The following HEMK1 variants were observed in gnomAD, a reference collection of about 807,000 sequenced individuals.
HEMK1 encodes MTRF1L release factor glutamine methyltransferase.
Under a neutral mutation model 47.9 loss-of-function variants are expected in HEMK1, and 36 were observed. The observed-to-expected ratio is 0.75, with a 90% CI of 0.58 to 0.99. The LOEUF is 0.99. HEMK1 is among the 50% of genes least tolerant of loss of function. The pLI is 0.00. For missense variants in HEMK1, 383 were observed against 434.5 expected (o/e 0.88, Z 1.05); for synonymous variants, 153 against 165.4 (o/e 0.93, Z 0.57).
At position 50,587,472 on chromosome 3, in the gene HEMK1, A is replaced by G. The variant is rs926658074; in HGVS notation, c.*7055A>G. The G allele has an allele frequency of 1.3e-5, 2 of 152,274 alleles. No individual in the cohort carries two copies. The highest frequency in any genetic ancestry group is 2.9e-5 in the Non-Finnish European group (2 of 68,070). The allele number at this position is 152,274 out of a possible 1,614,324, so 9.4% of individuals were successfully genotyped here. On this transcript the variant is annotated 3_prime_UTR_variant, in exon 11 of 11. Coordinates refer to ENST00000232854, the MANE Select transcript of HEMK1 (RefSeq NM_016173.5). This position sits in a 1 kb window ranked among gnomAD's most constrained non-coding sequence, Gnocchi z 4.2. ...GATGGAGGCTGTGAACCCTCTCGTT[A>G]TACTGACGAAGAAACAAACTGGGGC...
In HEMK1 at chr3:50,580,246, C is replaced by A; in HGVS notation, c.980+17C>A. 6.2e-7 allele frequency: 1 copy of A among 1,610,978 alleles called. No individual in the cohort carries two copies. The highest frequency in any genetic ancestry group is 8.5e-7 in the Non-Finnish European group (1 of 1,177,146). ...CTGTGGGAGGTAAGATCCTAGCCCC[C>A]TTTAGCCCTGTAGCATGCTGGTCTT... On this transcript the variant is annotated intron_variant, in intron 10 of 10. Coordinates refer to ENST00000232854, the MANE Select transcript of HEMK1 (RefSeq NM_016173.5).
At chr3:50,577,319 T>C in intron 5 of HEMK1, 133 bp downstream of exon 5, 1 of 1,196,562 alleles carries the variant, frequency 8.4e-7, no homozygotes, top group South Asian at 1.3e-5. Flanking sequence ...GGGCTGCCCC[T>C]AGCCCACTGT....
chr3:50,575,305 C>T (rs1701455549), intron 4 of HEMK1, among the ~76,000 whole-genome samples: 1 of 152,092 alleles, frequency 6.6e-6, no homozygotes, highest in African/African-American at 2.4e-5. Flanking sequence ...GCCTGTAATC[C>T]CAGCTACTTG....
chr3:50,577,545 ATC>A lies in HEMK1; in HGVS notation c.592_593del (p.Leu198AspfsTer3). 1.2e-6 allele frequency: 2 copies of A among 1,614,136 alleles called. No individual in the cohort carries two copies. The highest frequency in any genetic ancestry group is 2.2e-5 in the South Asian group (2 of 91,082). Reference protein sequence around the residue: ...VIAVDKREAAISLTHENAQRL... With the variant: ...VIAVDKREAAXSLTHENAQRL... Reference sequence around the variant, plus strand: ...TGCTGTGGATAAGCGGGAAGCTGCTATCTCTCTGACCCATGAGAATGCTCAGA... The same window carrying A: ...TGCTGTGGATAAGCGGGAAGCTGCTATCTCTGACCCATGAGAATGCTCAGA... On this transcript the variant is annotated frameshift_variant, in exon 6 of 11. Transcript: ENST00000232854. LOFTEE classifies it high-confidence loss of function.
At position 50,580,386 on chromosome 3, in the gene HEMK1, G is replaced by T. The variant is rs192523417; in HGVS notation, c.986G>T (p.Arg329Leu). Residue 329 changes from arginine (R) to leucine (L), a missense_variant, in exon 11 of 11, where the codon CGG becomes CTG. Coordinates refer to ENST00000232854, the MANE Select transcript of HEMK1 (RefSeq NM_016173.5). ...AVRRDFCGRP[R>L]FLHIRRSGP The stretch of plus-strand genomic sequence containing the variant: ...CCCTGTCCCTGTCTCCTCAGGCCCC[G>T]GTTCCTGCATATCCGGAGGTCTGGG... 6.2e-7 allele frequency: 1 copy of T among 1,614,112 alleles called. No homozygotes were observed. The highest frequency in any genetic ancestry group is 8.5e-7 in the Non-Finnish European group (1 of 1,180,010).
At chr3:50,572,535 G>A (rs146614682) in intron 4 of HEMK1, among the ~76,000 whole-genome samples, 2 of 152,298 alleles carry the variant, frequency 1.3e-5, no homozygotes, top group Non-Finnish European at 1.5e-5. Flanking sequence ...AACCCACAGG[G>A]AACAAATGTC....
rs536602801 is a variant in HEMK1 at position 50,589,330 on chromosome 3, A to G, written c.*8913A>G. 6.6e-6 allele frequency: 1 copy of G among 152,376 alleles called. No individual in the cohort carries two copies. The highest frequency in any genetic ancestry group is 2.4e-5 in the African/African-American group (1 of 41,584). The allele number at this position is 152,376 out of a possible 1,614,324, so 9.4% of individuals were successfully genotyped here. A position where few individuals can be genotyped will look rare whatever the true frequency, so the allele number is the denominator to read the frequency against. The stretch of plus-strand genomic sequence containing the variant: ...AGAAGCCTTATCTCAAGCTCAGCAC[A>G]AACCCTGTTCTCTGAGCACATAGGA... On this transcript the variant is annotated 3_prime_UTR_variant, in exon 11 of 11. Coordinates refer to ENST00000232854, the MANE Select transcript of HEMK1 (RefSeq NM_016173.5).
Position 50,592,915 on chromosome 3 carries a change from G to A in HEMK1, c.*12498G>A, listed in dbSNP as rs1022552144. On this transcript the variant is annotated 3_prime_UTR_variant, in exon 11 of 11. Transcript: ENST00000232854. ...GCTTTTATTTACTCCTCTGTACCCT[G>A]AGCACCATCAACTGGGTGCCAGGCC... 1.3e-5 allele frequency: 2 copies of A among 152,276 alleles called. No homozygotes were observed. The highest frequency in any genetic ancestry group is 4.8e-5 in the African/African-American group (2 of 41,450). The allele number at this position is 152,276 out of a possible 1,614,324, so 9.4% of individuals were successfully genotyped here.
intron 4 of HEMK1, among the ~76,000 whole-genome samples, chr3:50,573,828 T>G (rs975931723): frequency 6.6e-6 from 1 of 152,238 alleles, no homozygotes; most frequent in East Asian, 1.9e-4. Flanking sequence ...GAGTTGCATT[T>G]TCCCTAAGGG....
Position 50,584,876 on chromosome 3 carries a change from C to T in HEMK1, c.*4459C>T, listed in dbSNP as rs1409884667. ...GATTGAAGTGGCTTTGGAATTGCAACGTGGAAATGGGCAGAGGCTGGAAGA... is the reference window on the plus strand; with the variant it reads ...GATTGAAGTGGCTTTGGAATTGCAATGTGGAAATGGGCAGAGGCTGGAAGA... On this transcript the variant is annotated 3_prime_UTR_variant, in exon 11 of 11. Transcript: ENST00000232854. 5 of 152,148 alleles carry T rather than the reference C, an allele frequency of 3.3e-5. No homozygotes were observed. Among genetic ancestry groups the T allele is most frequent in the Admixed American group, 2.0e-4 (3 of 15,274 alleles). 9.4% of individuals were successfully genotyped at this position (152,148 alleles called of 1,614,324 possible).
In HEMK1 at chr3:50,572,104, C is replaced by A; in HGVS notation, c.321-11C>A. On this transcript the variant is annotated splice_polypyrimidine_tract_variant and intron_variant, in intron 3 of 10. Coordinates refer to ENST00000232854, the MANE Select transcript of HEMK1 (RefSeq NM_016173.5). ...CTGTCCCTGATGACCACCCAGCTGC[C>A]CCCTCTGCAGGATGCCGGTGCAGTA... 1 of 1,613,820 alleles carries A rather than the reference C, an allele frequency of 6.2e-7. No homozygotes were observed.
chr3:50,590,834 G>C lies in HEMK1; in HGVS notation c.*10417G>C, dbSNP rs553110265. The C allele has an allele frequency of 2.0e-5, 3 of 152,322 alleles. No homozygotes were observed. The South Asian group carries it at 6.2e-4, about 32-fold the overall frequency. The allele number at this position is 152,322 out of a possible 1,614,324, so 9.4% of individuals were successfully genotyped here. A position where few individuals can be genotyped will look rare whatever the true frequency, so the allele number is the denominator to read the frequency against. ...AGACATGGGCTAGGGACTTACCCAG[G>C]CCCTTGGTGGTGCCTCCAAGGGTGG... On this transcript the variant is annotated 3_prime_UTR_variant, in exon 11 of 11. Coordinates refer to ENST00000232854, the MANE Select transcript of HEMK1 (RefSeq NM_016173.5).
intron 4 of HEMK1, among the ~76,000 whole-genome samples, chr3:50,575,523 C>T (rs1220493699): frequency 1.3e-5 from 2 of 152,206 alleles, no homozygotes; most frequent in African/African-American, 2.4e-5. Flanking sequence ...AGTCAGACCT[C>T]AGGTCTTCCT....
At position 50,585,818 on chromosome 3, in the gene HEMK1, G is replaced by A. The variant is rs1282105359; in HGVS notation, c.*5401G>A. ...CTGATCTTTTTTCCCAGAGAGGGATGGGGCTTACTTGAAGTAACACAGCAC... is the reference window on the plus strand; with the variant it reads ...CTGATCTTTTTTCCCAGAGAGGGATAGGGCTTACTTGAAGTAACACAGCAC... On this transcript the variant is annotated 3_prime_UTR_variant, in exon 11 of 11. Transcript: ENST00000232854. The A allele has an allele frequency of 6.6e-6, 1 of 152,244 alleles. No individual in the cohort carries two copies. The highest frequency in any genetic ancestry group is 2.4e-5 in the African/African-American group (1 of 41,444). The allele number at this position is 152,244 out of a possible 1,614,324, so 9.4% of individuals were successfully genotyped here.
At position 50,577,884 on chromosome 3, in the gene HEMK1, C is replaced by T; in HGVS notation, c.664+9C>T. 1 of 1,613,498 alleles carries T rather than the reference C, an allele frequency of 6.2e-7. No individual in the cohort carries two copies. Among genetic ancestry groups the T allele is most frequent in the Non-Finnish European group, 8.5e-7 (1 of 1,179,428 alleles). ...CCTCGACATGACCTCAGGTACCCTCCCCTGCATGTTCCTTGAGAGAGGGAG... is the reference window on the plus strand; with the variant it reads ...CCTCGACATGACCTCAGGTACCCTCTCCTGCATGTTCCTTGAGAGAGGGAG... On this transcript the variant is annotated intron_variant, in intron 7 of 10. Coordinates refer to ENST00000232854, the MANE Select transcript of HEMK1 (RefSeq NM_016173.5).
chr3:50,575,300 T>TA (rs1701454481), intron 4 of HEMK1, among the ~76,000 whole-genome samples: 1 of 152,090 alleles, frequency 6.6e-6, no homozygotes, highest in South Asian at 2.1e-4. Context: ...TGCATGCCTG[T>TA]AATCCCAGCT....
intron 4 of HEMK1, among the ~76,000 whole-genome samples, chr3:50,573,274 A>G (rs1031668507): frequency 7.2e-5 from 11 of 152,184 alleles, no homozygotes; most frequent in African/African-American, 2.7e-4. Context: ...CATCCCTCAC[A>G]TGGGGCTGCC....
In HEMK1 at chr3:50,577,169, C is replaced by T; in HGVS notation, c.532C>T (p.Leu178=). 1 of 1,610,562 alleles carries T rather than the reference C, an allele frequency of 6.2e-7. No individual in the cohort carries two copies. Among genetic ancestry groups the T allele is most frequent in the East Asian group, 2.2e-5 (1 of 44,852 alleles). The change falls in exon 5 of 11, where the codon CTG becomes TTG. Residue 178 remains leucine, a synonymous_variant. Transcript: ENST00000232854. ...CGSGAISLSL[L]SQLPQSRVIA... is the part of the protein sequence containing the mutation. Reference sequence around the variant, plus strand: ...ATCAGGAGCCATCTCCCTCAGCCTGCTGAGCCAGCTCCCCCAGGTGAGCCC... The same window carrying T: ...ATCAGGAGCCATCTCCCTCAGCCTGTTGAGCCAGCTCCCCCAGGTGAGCCC...
At chr3:50,571,822 C>G (rs1700999158) in intron 3 of HEMK1, 21 bp downstream of exon 3, 1 of 1,605,214 alleles carries the variant, frequency 6.2e-7, no homozygotes, top group Non-Finnish European at 8.5e-7. Flanking sequence ...ATGGATCAGA[C>G]CTGAAGGATG....
Sources: gnomAD v4.1 joint callset for allele counts (sites outside exome capture counted in the v4.1 genomes callset) on GRCh38, gnomAD v4.1.1 for gene constraint, Gnocchi (gnomAD v3.1) non-coding constraint, MANE v1.5 for transcripts, NCBI Gene and HGNC (gene_info 2026-07-23, HGNC 2026-07-21) for gene names.